Variants in PLEKHG7 observed in about 807,000 individuals in gnomAD.
PLEKHG7 encodes the protein pleckstrin homology domain-containing family G member 7.
In PLEKHG7, 77 loss-of-function variants were observed where a neutral mutation model predicts 85.2. The ratio of observed to expected loss-of-function variants is 0.90; its 90% CI spans 0.75 to 1.09. The LOEUF is 1.09. Ranked by LOEUF, PLEKHG7 falls within the 50% of genes least tolerant of loss-of-function variation. The pLI is 0.00. For missense variants in PLEKHG7, 777 were observed against 804.3 expected, an observed-to-expected ratio of 0.97 and a Z score of 0.41; for synonymous variants, 301 against 302.4, an observed-to-expected ratio of 1.00 and a Z score of 0.05.
rs772114387 is a variant in PLEKHG7, at chr12:92,764,184, C to G, written c.1860C>G (p.Leu620=). ...DRLVVKSIEP[L]HVSVFGLRNA... ...TGGTAGTCAAAAGTATTGAACCACT[C>G]CATGTGTCAGGTATGTGTCTATTTT... Residue 620 remains leucine (L), a synonymous_variant, in exon 15 of 17, where the codon CTC becomes CTG. Transcript: ENST00000344636. 2 of 1,604,916 alleles carry G rather than the reference C, an allele frequency of 1.2e-6. No homozygotes were observed. Among genetic ancestry groups the G allele is most frequent in the African/African-American group, 2.7e-5 (2 of 74,640 alleles).
In PLEKHG7 at chr12:92,749,882, TTTTTA is replaced by T. The variant is rs1215431207; in HGVS notation, c.1252-4189_1252-4185del. ...TTTATTTTATTTTATTTTATTTTAT[TTTTTA>T]TTTTATTTTATTTTATTTCATTTAT... On this transcript the variant is annotated intron_variant, in intron 10 of 16. Coordinates refer to ENST00000344636, the MANE Select transcript of PLEKHG7 (RefSeq NM_001377329.1). 1.0e-4 allele frequency among the ~76,000 whole-genome samples: 15 copies of T among 143,328 alleles called. No individual in the cohort carries two copies. In the South Asian group the frequency reaches 1.3e-3, roughly 12 times the overall value. 94.0% of individuals were successfully genotyped at this position (143,328 alleles called of 152,430 possible).
chr12:92,723,846 C>T (rs74868778), intron 3 of PLEKHG7, among the ~76,000 whole-genome samples: 3,101 of 152,190 alleles, frequency 0.02, 98 homozygotes, highest in African/African-American at 0.07. Context: ...AGTAGTTACA[C>T]GCTCTCTGAG....
chr12:92,756,234 T>G lies in PLEKHG7; in HGVS notation c.1543-64T>G, dbSNP rs1872825925. ...CTAGATGGAGTTAATTGCCCCAGCTTTTTAAACATGTTCTCTTCCAATCAC... is the reference window on the plus strand; with the variant it reads ...CTAGATGGAGTTAATTGCCCCAGCTGTTTAAACATGTTCTCTTCCAATCAC... On this transcript the variant is annotated intron_variant, in intron 12 of 16. Transcript: ENST00000344636. The G allele has an allele frequency of 1.2e-5, 15 of 1,296,238 alleles. No individual in the cohort carries two copies. In the South Asian group the frequency reaches 1.9e-4, roughly 16 times the overall value. The allele number at this position is 1,296,238 out of a possible 1,614,324, so 80.3% of individuals were successfully genotyped here. A position where few individuals can be genotyped will look rare whatever the true frequency, so the allele number is the denominator to read the frequency against.
In PLEKHG7 at chr12:92,755,853, G is replaced by A; in HGVS notation, c.1455G>A (p.Leu485=). The A allele has an allele frequency of 2.5e-6, 4 of 1,613,370 alleles. No homozygotes were observed. The South Asian group carries it at 4.4e-5, about 18-fold the overall frequency. Residue 485 remains leucine, a synonymous_variant, in exon 12 of 17, where the codon CTG becomes CTA. Coordinates refer to ENST00000344636, the MANE Select transcript of PLEKHG7 (RefSeq NM_001377329.1). Reference sequence around the variant, plus strand: ...ACCTTGAAGGAAAAGTGAAGTGGCTGGACAATTTCCAAAAATTTAGATATC... The same window carrying A: ...ACCTTGAAGGAAAAGTGAAGTGGCTAGACAATTTCCAAAAATTTAGATATC... ...IRDLEGKVKW[L]DNFQKFRYLQ...
chr12:92,714,132 C>A (rs754844558), intron 3 of PLEKHG7, among the ~76,000 whole-genome samples: 2 of 152,204 alleles, frequency 1.3e-5, no homozygotes. Flanking sequence ...GGTCTAGAGG[C>A]AAACAAGGTT....
At chr12:92,741,678 T>G (rs1013995252) in intron 9 of PLEKHG7, 86 bp downstream of exon 9, 82 of 959,544 alleles carry the variant, frequency 8.5e-5, no homozygotes, top group Non-Finnish European at 1.2e-4. Flanking sequence ...TTGATTTTAA[T>G]TCTCCCTGGG....
At chr12:92,761,639 A>AAAGGAAG (rs766646399) in intron 13 of PLEKHG7, 113 bp from the exon 14 acceptor site, 9 of 497,948 alleles carry the variant, frequency 1.8e-5, no homozygotes, top group Non-Finnish European at 2.0e-5. Context: ...AGAAAGAAAG[A>AAAGGAAG]AAGAAAGAAA....
chr12:92,724,252 A>G (rs1284867537), intron 3 of PLEKHG7, among the ~76,000 whole-genome samples: 4 of 152,296 alleles, frequency 2.6e-5, no homozygotes, highest in African/African-American at 7.2e-5. Context: ...ATGCAATATG[A>G]TGAAGGTAGA....
intron 15 of PLEKHG7, among the ~76,000 whole-genome samples, chr12:92,765,840 C>T (rs1873180063): frequency 6.6e-6 from 1 of 152,020 alleles, no homozygotes; most frequent in Admixed American, 6.6e-5. Flanking sequence ...CATATATTAA[C>T]CCATGAATTA....
chr12:92,764,182 C>T lies in PLEKHG7; in HGVS notation c.1858C>T (p.Leu620Phe), dbSNP rs773330070. ...ATTGGTAGTCAAAAGTATTGAACCA[C>T]TCCATGTGTCAGGTATGTGTCTATT... ...DRLVVKSIEP[L>F]HVSVFGLRNA... The change falls in exon 15 of 17, where the codon CTC becomes TTC. Residue 620 changes from leucine to phenylalanine, a missense_variant. Leu to Phe is a conservative substitution (Grantham distance 22, BLOSUM62 0). Transcript: ENST00000344636. The T allele has an allele frequency of 1.8e-5, 29 of 1,604,722 alleles. No homozygotes were observed. Among genetic ancestry groups the T allele is most frequent in the Non-Finnish European group, 2.3e-5 (27 of 1,175,222 alleles).
intron 9 of PLEKHG7, among the ~76,000 whole-genome samples, chr12:92,742,089 T>C (rs12309694): frequency 0.065 from 9,967 of 152,276 alleles, 393 homozygotes; most frequent in Middle Eastern, 0.095. Flanking sequence ...CATCCTCCCC[T>C]ACTTTTCTTA....
At chr12:92,738,924 G>A (rs1412161049) in intron 7 of PLEKHG7, among the ~76,000 whole-genome samples, 1 of 152,192 alleles carries the variant, frequency 6.6e-6, no homozygotes, top group African/African-American at 2.4e-5. Context: ...TATCAGTTAG[G>A]ATGCTTACAA....
In PLEKHG7 at chr12:92,770,358, G is replaced by A. The variant is rs1873372913; in HGVS notation, c.*163G>A. The A allele has an allele frequency of 3.6e-6, 2 of 554,202 alleles. No individual in the cohort carries two copies. Among genetic ancestry groups the A allele is most frequent in the Non-Finnish European group, 3.1e-6 (1 of 317,848 alleles). The allele number at this position is 554,202 out of a possible 1,614,324, so 34.3% of individuals were successfully genotyped here. On this transcript the variant is annotated 3_prime_UTR_variant, in exon 17 of 17. Transcript: ENST00000344636. ...GAGCTAGGAAAATCCTCAGTATAGA[G>A]GAATAATGACTGCAACAAATTTGAA... is the stretch of plus-strand genomic sequence containing the variant.
At chr12:92,763,966 C>G (rs866105231) in intron 14 of PLEKHG7, 75 bp from the exon 15 acceptor site, 1 of 1,291,354 alleles carries the variant, frequency 7.7e-7, no homozygotes, top group African/African-American at 1.5e-5. Context: ...AATCTATTTG[C>G]TTACAGATGC....
chr12:92,722,554 C>A (rs957183230), intron 3 of PLEKHG7, among the ~76,000 whole-genome samples: 1 of 152,140 alleles, frequency 6.6e-6, no homozygotes, highest in Non-Finnish European at 1.5e-5. Flanking sequence ...CGTTCACAAG[C>A]CGGTTATCTT....
intron 5 of PLEKHG7, 147 bp from the exon 6 acceptor site, chr12:92,736,335 G>A: frequency 6.8e-6 from 3 of 443,362 alleles, no homozygotes; most frequent in Non-Finnish European, 1.1e-5. Flanking sequence ...CTCAGAAATG[G>A]CTTTGGAACT....
intron 3 of PLEKHG7, among the ~76,000 whole-genome samples, chr12:92,709,265 C>T (rs1039745983): frequency 5.3e-5 from 8 of 152,166 alleles, no homozygotes; most frequent in African/African-American, 1.9e-4. Context: ...TTAGGAGATA[C>T]AATCCCCCAG....
At position 92,730,084 on chromosome 12, in the gene PLEKHG7, T is replaced by C. The variant is rs577696893; in HGVS notation, c.658+964T>C. Among the ~76,000 whole-genome samples, 84 of 152,262 alleles carry C rather than the reference T, an allele frequency of 5.5e-4. 1 individual carries two copies. The South Asian group carries it at 0.013, about 24-fold the overall frequency. ...GCATCTGTTATCATCTGTCATCTAT[T>C]GTATGGGCAGCTGCAGTCTCCTGTA... On this transcript the variant is annotated intron_variant, in intron 4 of 16. Transcript: ENST00000344636.
chr12:92,766,853 T>G (rs1172104018), intron 15 of PLEKHG7, among the ~76,000 whole-genome samples: 6 of 152,180 alleles, frequency 3.9e-5, no homozygotes, highest in Non-Finnish European at 8.8e-5. Context: ...AAAACAACTA[T>G]GCTTCCACCT....
Sources: gnomAD v4.1 joint callset for allele counts (sites outside exome capture counted in the v4.1 genomes callset) on GRCh38, gnomAD v4.1.1 for gene constraint, MANE v1.5 for transcripts, NCBI Gene and HGNC (gene_info 2026-07-23, HGNC 2026-07-21) for gene names.